The following INO80D variants were observed in gnomAD, a reference collection of about 807,000 sequenced individuals.
INO80D encodes INO80 complex subunit D.
Under a neutral mutation model 87.6 loss-of-function variants are expected in INO80D, and 21 were observed. That is an observed-to-expected ratio of 0.24 (90% CI 0.17 to 0.35). The LOEUF (loss-of-function observed/expected upper bound fraction) is 0.35. Among genes scored for constraint, INO80D ranks in the 10% least tolerant of loss-of-function variants. The pLI is 1.00. For missense variants in INO80D, 982 were observed against 1,280.7 expected, an observed-to-expected ratio of 0.77 and a Z score of 3.56; for synonymous variants, 440 against 491.0, an observed-to-expected ratio of 0.90 and a Z score of 1.37.
chr2:206,007,577 T>C, intron 9 of INO80D, 136 bp from the exon 10 acceptor site: 1 of 970,864 alleles, frequency 1.0e-6, no homozygotes, highest in East Asian at 2.6e-5. Context: ...ATCCCAGCAC[T>C]TTGGGAGGCC....
chr2:206,049,853 C>G (rs1370408022), intron 4 of INO80D, among the ~76,000 whole-genome samples: 1 of 152,134 alleles, frequency 6.6e-6, no homozygotes, highest in Non-Finnish European at 1.5e-5. Context: ...AAAGGGCGTC[C>G]GGGCATGGTG....
At chr2:206,023,554 A>G (rs2616350) in intron 6 of INO80D, among the ~76,000 whole-genome samples, 108,967 of 151,366 alleles carry the variant, frequency 0.72, 39,997 homozygotes, top group South Asian at 0.84. Context: ...ATAGTGGCGC[A>G]TGCCTGTAGT....
At chr2:206,083,361 GAA>G (rs1166728669) in intron 1 of INO80D, among the ~76,000 whole-genome samples, 1 of 151,976 alleles carries the variant, frequency 6.6e-6, no homozygotes, top group African/African-American at 2.4e-5. Context: ...AAATGACTAA[GAA>G]TGATTTTTTT....
intron 5 of INO80D, among the ~76,000 whole-genome samples, chr2:206,034,706 C>G (rs953244341): frequency 2.2e-5 from 3 of 137,988 alleles, no homozygotes; most frequent in African/African-American, 7.4e-5. Flanking sequence ...CCCACTCTCA[C>G]CACTCCTCTT....
At position 206,002,125 on chromosome 2, in the gene INO80D, C is replaced by T. The variant is rs1687917712; in HGVS notation, c.*2243G>A. On this transcript the variant is annotated 3_prime_UTR_variant, in exon 11 of 11. Transcript: ENST00000403263. Reference sequence around the variant, plus strand: ...AAGTCAATGTGCTGCTCTGCGACAACCTTTAAATACACAATGGAGACTAAA... The same window carrying T: ...AAGTCAATGTGCTGCTCTGCGACAATCTTTAAATACACAATGGAGACTAAA... 1 of 152,154 alleles carries T rather than the reference C, an allele frequency of 6.6e-6. No individual in the cohort carries two copies. The highest frequency in any genetic ancestry group is 1.5e-5 in the Non-Finnish European group (1 of 68,032). The allele number at this position is 152,154 out of a possible 1,614,324, so 9.4% of individuals were successfully genotyped here.
In INO80D at chr2:205,997,820, G is replaced by GT. The variant is rs1687835467; in HGVS notation, c.*6547dup. ...TTTATACAACAGAGACAATGAGAAA[G>GT]TAACTCCAATACCCTCAACTAAATA... On this transcript the variant is annotated 3_prime_UTR_variant, in exon 11 of 11. Coordinates refer to ENST00000403263, the MANE Select transcript of INO80D (RefSeq NM_017759.5). 6.6e-6 allele frequency: 1 copy of GT among 152,134 alleles called. No homozygotes were observed. The highest frequency in any genetic ancestry group is 1.9e-4 in the East Asian group (1 of 5,200). The allele number at this position is 152,134 out of a possible 1,614,324, so 9.4% of individuals were successfully genotyped here.
At chr2:206,015,887 C>CA (rs879430832) in intron 8 of INO80D, among the ~76,000 whole-genome samples, 90 of 141,936 alleles carry the variant, frequency 6.3e-4, no homozygotes, top group South Asian at 3.1e-3. Flanking sequence ...ACTCTGTCTC[C>CA]AAAAAAAAAA....
chr2:206,078,575 C>CACTTGAGCCCCTTTGTTT (rs1409553494), intron 1 of INO80D, among the ~76,000 whole-genome samples: 1 of 152,154 alleles, frequency 6.6e-6, no homozygotes, highest in Admixed American at 6.5e-5. Context: ...GCAGAAGGAT[C>CACTTGAGCCCCTTTGTTT]ACTTGAGCCC....
At chr2:206,024,431 G>A (rs1426614342) in intron 6 of INO80D, among the ~76,000 whole-genome samples, 1 of 151,978 alleles carries the variant, frequency 6.6e-6, no homozygotes, top group Non-Finnish European at 1.5e-5. Context: ...CCTGAAGGAT[G>A]TTCTAGAACA....
At chr2:206,051,300 A>G (rs1689363805) in intron 4 of INO80D, among the ~76,000 whole-genome samples, 1 of 151,746 alleles carries the variant, frequency 6.6e-6, no homozygotes, top group Admixed American at 6.6e-5. Flanking sequence ...ACTGCCAGTC[A>G]TAAGCTCTTG....
At position 205,995,699 on chromosome 2, in the gene INO80D, T is replaced by G. The variant is rs1687796798; in HGVS notation, c.*8669A>C. The G allele has an allele frequency of 6.6e-6, 1 of 152,140 alleles. No individual in the cohort carries two copies. The highest frequency in any genetic ancestry group is 1.5e-5 in the Non-Finnish European group (1 of 67,978). 9.4% of individuals were successfully genotyped at this position (152,140 alleles called of 1,614,324 possible). On this transcript the variant is annotated 3_prime_UTR_variant, in exon 11 of 11. Coordinates refer to ENST00000403263, the MANE Select transcript of INO80D (RefSeq NM_017759.5). ...TCTGACATGTATATATACACTTTTG[T>G]CTGTGTGTGCATAAGAGCTTTAAAG... is the stretch of plus-strand genomic sequence containing the variant.
At chr2:206,075,187 A>C (rs1690079307) in intron 1 of INO80D, among the ~76,000 whole-genome samples, 1 of 152,248 alleles carries the variant, frequency 6.6e-6, no homozygotes, top group Admixed American at 6.5e-5. Flanking sequence ...CACTTTTAAC[A>C]AAAGCAGCCA....
At chr2:206,044,288 G>A (rs558757945) in intron 5 of INO80D, among the ~76,000 whole-genome samples, 1 of 152,012 alleles carries the variant, frequency 6.6e-6, no homozygotes, top group Non-Finnish European at 1.5e-5. Flanking sequence ...GAATAGATGG[G>A]TGGGTAAACC....
intron 9 of INO80D, among the ~76,000 whole-genome samples, chr2:206,008,384 G>A (rs1200047922): frequency 8.6e-5 from 13 of 150,652 alleles, no homozygotes; most frequent in African/African-American, 2.7e-4. Flanking sequence ...GTGTTCCAGC[G>A]ATTCTTCTGC....
intron 4 of INO80D, among the ~76,000 whole-genome samples, chr2:206,055,490 T>C (rs1327292057): frequency 6.6e-6 from 1 of 152,206 alleles, no homozygotes; most frequent in Non-Finnish European, 1.5e-5. Context: ...TGTCAGCAGA[T>C]ATCAACAATG....
At chr2:206,051,539 C>T (rs955742141) in intron 4 of INO80D, among the ~76,000 whole-genome samples, 4 of 152,036 alleles carry the variant, frequency 2.6e-5, no homozygotes, top group African/African-American at 7.2e-5. Flanking sequence ...ATCATATGAA[C>T]GAATACTCAA....
chr2:206,020,604 A>C (rs1575809729), intron 6 of INO80D, among the ~76,000 whole-genome samples: 1 of 152,238 alleles, frequency 6.6e-6, no homozygotes, highest in South Asian at 2.1e-4. Context: ...TTCATTATTT[A>C]AATTTTTTTT....
intron 5 of INO80D, among the ~76,000 whole-genome samples, chr2:206,041,656 C>A (rs1297030811): frequency 6.6e-6 from 1 of 152,164 alleles, no homozygotes; most frequent in Non-Finnish European, 1.5e-5. Context: ...ACAAACATCA[C>A]CACAGATGTA....
At chr2:206,057,278 G>A (rs1445794165) in intron 3 of INO80D, among the ~76,000 whole-genome samples, 1 of 152,116 alleles carries the variant, frequency 6.6e-6, no homozygotes, top group Non-Finnish European at 1.5e-5. Context: ...CTCATCAAGA[G>A]TCTAAAAGAT....
Sources: allele counts gnomAD v4.1 joint callset (sites outside exome capture counted in the v4.1 genomes callset), GRCh38; gene constraint gnomAD v4.1.1; transcripts MANE v1.5; gene names NCBI Gene and HGNC (gene_info 2026-07-23, HGNC 2026-07-21).